WNT3: variants seen among roughly 807,000 people sequenced by gnomAD.
The protein encoded by WNT3 is Wnt family member 3, also known as proto-oncogene Wnt-3.
A neutral mutation model predicts 34.2 loss-of-function variants in WNT3; 7 were observed. The ratio of observed to expected loss-of-function variants is 0.20; its 90% CI spans 0.12 to 0.38. WNT3 has a LOEUF of 0.38. Among genes scored for constraint, WNT3 ranks in the 10% least tolerant of loss-of-function variants. The pLI, the probability that WNT3 is intolerant of heterozygous loss-of-function variation, is 1.00. For synonymous variants in WNT3, 212 were observed against 211.5 expected (o/e 1.00, Z -0.02); for missense variants, 267 against 499.8 (o/e 0.53, Z 4.44).
intron 1 of WNT3, among the ~76,000 whole-genome samples, chr17:46,794,398 G>A (rs1199689673): frequency 1.3e-5 from 2 of 152,144 alleles, no homozygotes; most frequent in Admixed American, 6.5e-5. Flanking sequence ...TGGATCCCCC[G>A]ACAGGACCTG....
In WNT3 at chr17:46,815,327, G is replaced by A. The variant is rs1221269533; in HGVS notation, c.80+3191C>T. On this transcript the variant is annotated intron_variant, in intron 1 of 4. Transcript: ENST00000225512. ...CTTCCTTCCAGGGGTGTCAGTCTGA[G>A]GCCCCTTAGAGCTGTCCCTTCTGGT... Among the ~76,000 whole-genome samples the A allele has an allele frequency of 2.9e-4, 44 of 152,318 alleles. 1 individual carries two copies. Among genetic ancestry groups the A allele is most frequent in the Admixed American group, 2.9e-3 (44 of 15,302 alleles).
chr17:46,788,356 T>G (rs1237837492), intron 1 of WNT3, among the ~76,000 whole-genome samples: 1 of 152,208 alleles, frequency 6.6e-6, no homozygotes, highest in African/African-American at 2.4e-5. Flanking sequence ...ATGAGAACCT[T>G]ACAGAGTTAG....
At chr17:46,778,688 CG>C (rs1279790591) in intron 1 of WNT3, among the ~76,000 whole-genome samples, 1 of 152,206 alleles carries the variant, frequency 6.6e-6, no homozygotes, top group Non-Finnish European at 1.5e-5. Context: ...CCAAAGTGTG[CG>C]TGGCTTTGAC....
chr17:46,813,149 T>A (rs1216564888), intron 1 of WNT3, among the ~76,000 whole-genome samples: 1 of 151,826 alleles, frequency 6.6e-6, no homozygotes, highest in African/African-American at 2.4e-5. Context: ...AAGAAACGGG[T>A]GGACTGTCTA....
At chr17:46,772,731 G>T (rs2059384627) in intron 2 of WNT3, among the ~76,000 whole-genome samples, 1 of 152,176 alleles carries the variant, frequency 6.6e-6, no homozygotes, top group African/African-American at 2.4e-5. Context: ...CGGTAAAGGG[G>T]AACTGCACTC....
chr17:46,805,056 G>A (rs529216208), intron 1 of WNT3, among the ~76,000 whole-genome samples: 10 of 152,068 alleles, frequency 6.6e-5, no homozygotes, highest in Admixed American at 1.3e-4. Flanking sequence ...AACACTCACC[G>A]CAAAGGTACG....
chr17:46,792,901 T>C (rs2084004888), intron 1 of WNT3, among the ~76,000 whole-genome samples: 1 of 152,028 alleles, frequency 6.6e-6, no homozygotes, highest in African/African-American at 2.4e-5. Context: ...GATGATGACA[T>C]GGGCTCAGAG....
At chr17:46,773,407 C>T (rs887025444) in intron 2 of WNT3, among the ~76,000 whole-genome samples, 2 of 152,104 alleles carry the variant, frequency 1.3e-5, no homozygotes, top group Non-Finnish European at 2.9e-5. Flanking sequence ...GAGCCTGAGG[C>T]GCCCACTGTG....
At chr17:46,779,151 C>A (rs1417156068) in intron 1 of WNT3, among the ~76,000 whole-genome samples, 2 of 149,514 alleles carry the variant, frequency 1.3e-5, no homozygotes, top group African/African-American at 2.5e-5. Flanking sequence ...GCTAGGTATT[C>A]ATGATTCTGG....
chr17:46,795,632 T>G (rs1319208916), intron 1 of WNT3, among the ~76,000 whole-genome samples: 1 of 152,188 alleles, frequency 6.6e-6, no homozygotes, highest in East Asian at 1.9e-4. Flanking sequence ...CACAGGGCCC[T>G]GTGCAAGGGG....
chr17:46,803,449 G>A lies in WNT3; in HGVS notation c.80+15069C>T, dbSNP rs931433458. On this transcript the variant is annotated intron_variant, in intron 1 of 4. Transcript: ENST00000225512. ...CTCGCAAGGCTCAGGGAGGAGAATC[G>A]CTTGAACCTGGGAGGCAGAGGTTAT... is the stretch of plus-strand genomic sequence containing the variant. Among the ~76,000 whole-genome samples, 9 of 152,140 alleles carry A rather than the reference G, an allele frequency of 5.9e-5. No homozygotes were observed. The East Asian group carries it at 7.7e-4, about 13-fold the overall frequency.
intron 2 of WNT3, among the ~76,000 whole-genome samples, chr17:46,771,829 T>C (rs1229719847): frequency 2.1e-5 from 3 of 139,554 alleles, no homozygotes; most frequent in African/African-American, 7.8e-5. Flanking sequence ...GGCCGCGCGG[T>C]GGGGGGGCGG....
intron 2 of WNT3, among the ~76,000 whole-genome samples, chr17:46,770,332 G>A (rs973186971): frequency 2.0e-5 from 3 of 152,186 alleles, no homozygotes; most frequent in Non-Finnish European, 4.4e-5. Context: ...AACAGGCGCC[G>A]ACACCAAACC....
At chr17:46,771,502 C>T (rs1424475583) in intron 2 of WNT3, among the ~76,000 whole-genome samples, 1 of 149,312 alleles carries the variant, frequency 6.7e-6, no homozygotes, top group South Asian at 2.1e-4. Context: ...GCGGGGGCGG[C>T]GGGGGCGGGG....
chr17:46,803,293 G>A (rs547512532), intron 1 of WNT3, among the ~76,000 whole-genome samples: 18 of 152,290 alleles, frequency 1.2e-4, no homozygotes, highest in Admixed American at 2.6e-4. Context: ...CAGCACTTTC[G>A]GAGGCCCAGA....
intron 1 of WNT3, among the ~76,000 whole-genome samples, chr17:46,791,275 G>A (rs552294635): frequency 2.6e-5 from 4 of 151,660 alleles, no homozygotes; most frequent in African/African-American, 7.3e-5. Flanking sequence ...GTGCAGTGGC[G>A]TGATCTCAGC....
chr17:46,767,527 C>G (rs988096395), intron 4 of WNT3, among the ~76,000 whole-genome samples: 2 of 152,138 alleles, frequency 1.3e-5, no homozygotes, highest in African/African-American at 4.8e-5. Context: ...ATTTAAACTG[C>G]CCCCTGCCCT....
At chr17:46,785,059 G>A (rs562030967) in intron 1 of WNT3, among the ~76,000 whole-genome samples, 3 of 152,216 alleles carry the variant, frequency 2.0e-5, no homozygotes, top group South Asian at 4.2e-4. Flanking sequence ...TTACAGGCGT[G>A]AGCCACCGTG....
In WNT3 at chr17:46,768,262, A is replaced by AT. The variant is rs2059332192; in HGVS notation, c.*8+49dup. 2 of 1,610,024 alleles carry AT rather than the reference A, an allele frequency of 1.2e-6. No homozygotes were observed. Among genetic ancestry groups the AT allele is most frequent in the Admixed American group, 1.7e-5 (1 of 59,920 alleles). Reference sequence around the variant, plus strand: ...GAAGACGAGATGGGCAAACAACCCCATTCCCTGCGCCCAGGCTCCCAGCCT... The same window carrying AT: ...GAAGACGAGATGGGCAAACAACCCCATTTCCCTGCGCCCAGGCTCCCAGCCT... On this transcript the variant is annotated intron_variant, in intron 4 of 4. Coordinates refer to ENST00000225512, the MANE Select transcript of WNT3 (RefSeq NM_030753.5). This position sits in a 1 kb window ranked among gnomAD's most constrained non-coding sequence, Gnocchi z 5.0.
Sources: allele counts gnomAD v4.1 joint callset (sites outside exome capture counted in the v4.1 genomes callset), GRCh38; gene constraint gnomAD v4.1.1; non-coding constraint Gnocchi (gnomAD v3.1); transcripts MANE v1.5; gene names NCBI Gene and HGNC (gene_info 2026-07-23, HGNC 2026-07-21).